Variants in MAP6 observed in about 807,000 individuals in gnomAD.
The protein encoded by MAP6 is microtubule associated protein 6.
MAP6 carries 26 observed loss-of-function variants against 42.4 expected under a neutral mutation model. The ratio of observed to expected loss-of-function variants is 0.61; its 90% CI spans 0.45 to 0.85. MAP6 has a LOEUF of 0.85. Among genes scored for constraint, MAP6 ranks in the 40% least tolerant of loss-of-function variants. MAP6 has a pLI of 0.00. For missense variants in MAP6, 966 were observed against 1,099.0 expected (o/e 0.88, Z 1.71); for synonymous variants, 418 against 443.8 (o/e 0.94, Z 0.73).
chr11:75,659,240 G>T (rs1423470927), intron 1 of MAP6, among the ~76,000 whole-genome samples: 1 of 152,208 alleles, frequency 6.6e-6, no homozygotes, highest in Non-Finnish European at 1.5e-5. Context: ...CCAGCACTTT[G>T]GGAGGCTGAA....
intron 1 of MAP6, among the ~76,000 whole-genome samples, chr11:75,652,773 AG>A (rs763745705): frequency 3.3e-5 from 5 of 149,760 alleles, no homozygotes; most frequent in Non-Finnish European, 5.9e-5. Context: ...CAGGAGGCGG[AG>A]GTTGCAGTGA....
At chr11:75,643,042 T>C (rs938182532) in intron 1 of MAP6, among the ~76,000 whole-genome samples, 1 of 152,178 alleles carries the variant, frequency 6.6e-6, no homozygotes, top group Non-Finnish European at 1.5e-5. Flanking sequence ...TTTGTGATAC[T>C]ATTATTGGCA....
In MAP6 at chr11:75,609,864, G is replaced by A. The variant is rs114484714; in HGVS notation, c.906-1542C>T. ...AATGTTTGTCCCCTCTAAAACTCAC[G>A]TTGAAACTTCATCCCCAGTGTGGCA... On this transcript the variant is annotated intron_variant, in intron 1 of 3. Coordinates refer to ENST00000304771, the MANE Select transcript of MAP6 (RefSeq NM_033063.2). Among the ~76,000 whole-genome samples, 469 of 152,222 alleles carry A rather than the reference G, an allele frequency of 3.1e-3. 2 individuals carry two copies. Among genetic ancestry groups the A allele is most frequent in the African/African-American group, 0.011 (438 of 41,532 alleles).
intron 3 of MAP6, chr11:75,603,106 G>A (rs1003435792): frequency 9.1e-6 from 9 of 985,632 alleles, no homozygotes; most frequent in Non-Finnish European, 1.1e-5. Context: ...CTGCCTCAGA[G>A]AGGCAAAGAA....
chr11:75,639,619 C>T (rs1024349630), intron 1 of MAP6, among the ~76,000 whole-genome samples: 1 of 152,138 alleles, frequency 6.6e-6, no homozygotes, highest in Non-Finnish European at 1.5e-5. Context: ...AAGCTAAACC[C>T]GACTGAAAGG....
At chr11:75,608,841 T>G (rs1027458908) in intron 1 of MAP6, among the ~76,000 whole-genome samples, 25 of 152,214 alleles carry the variant, frequency 1.6e-4, no homozygotes, top group Non-Finnish European at 3.2e-4. Context: ...TTGAGGATAA[T>G]TCCCCCATTT....
chr11:75,646,667 G>A (rs971275328), intron 1 of MAP6, among the ~76,000 whole-genome samples: 2 of 152,034 alleles, frequency 1.3e-5, no homozygotes, highest in African/African-American at 4.8e-5. Flanking sequence ...GGGTGTGGTG[G>A]CACACGCCTG....
intron 1 of MAP6, among the ~76,000 whole-genome samples, chr11:75,620,454 G>A (rs2135611970): frequency 7.0e-6 from 1 of 142,862 alleles, no homozygotes; most frequent in East Asian, 2.1e-4. Context: ...CTGTGTGACA[G>A]AGCAAGATTC....
chr11:75,665,352 C>T (rs1297490955), intron 1 of MAP6, among the ~76,000 whole-genome samples: 1 of 152,204 alleles, frequency 6.6e-6, no homozygotes, highest in Non-Finnish European at 1.5e-5. Flanking sequence ...CCTTGACTGA[C>T]AGGCCACTCA....
chr11:75,656,160 T>G (rs918808355), intron 1 of MAP6, among the ~76,000 whole-genome samples: 1 of 152,194 alleles, frequency 6.6e-6, no homozygotes, highest in African/African-American at 2.4e-5. Flanking sequence ...CTATGCACTC[T>G]AGGATATGCC....
chr11:75,665,540 G>C (rs1408280266), intron 1 of MAP6, among the ~76,000 whole-genome samples: 1 of 152,156 alleles, frequency 6.6e-6, no homozygotes, highest in Admixed American at 6.5e-5. Flanking sequence ...AATGAGAGTG[G>C]GAAGATGAAG....
At chr11:75,635,270 T>C (rs11236475) in intron 1 of MAP6, among the ~76,000 whole-genome samples, 13,959 of 152,130 alleles carry the variant, frequency 0.092, 1,069 homozygotes, top group African/African-American at 0.21. Flanking sequence ...CTTGGGCTTG[T>C]GACAGGACAG....
intron 1 of MAP6, among the ~76,000 whole-genome samples, chr11:75,620,987 C>T (rs533966137): frequency 1.2e-4 from 18 of 151,892 alleles, no homozygotes; most frequent in East Asian, 9.7e-4. Flanking sequence ...AAAAATTAGC[C>T]GGGCGTGGTG....
At chr11:75,656,920 T>TCTCCTGTG (rs1367382108) in intron 1 of MAP6, among the ~76,000 whole-genome samples, 1 of 152,150 alleles carries the variant, frequency 6.6e-6, no homozygotes, top group Non-Finnish European at 1.5e-5. Context: ...CTCAGAAGTT[T>TCTCCTGTG]CTCCTGTGCT....
At chr11:75,633,003 C>CTTTTTTTT (rs1943308381) in intron 1 of MAP6, among the ~76,000 whole-genome samples, 1 of 146,908 alleles carries the variant, frequency 6.8e-6, no homozygotes, top group East Asian at 2.0e-4. Context: ...TTCTTTTTTT[C>CTTTTTTTT]TTTTTTCTTT....
intron 3 of MAP6, among the ~76,000 whole-genome samples, chr11:75,593,727 GA>G (rs1158509680): frequency 2.0e-5 from 3 of 152,228 alleles, no homozygotes; most frequent in Admixed American, 1.3e-4. Context: ...GGGCAGTGTG[GA>G]AAAGCCTTGA....
intron 1 of MAP6, among the ~76,000 whole-genome samples, chr11:75,619,111 C>T (rs898546588): frequency 3.9e-5 from 6 of 151,946 alleles, no homozygotes; most frequent in South Asian, 2.1e-4. Flanking sequence ...GTGCATGAGG[C>T]GTGTGTGCAA....
At chr11:75,614,565 G>T (rs893752605) in intron 1 of MAP6, among the ~76,000 whole-genome samples, 1 of 152,130 alleles carries the variant, frequency 6.6e-6, no homozygotes, top group Non-Finnish European at 1.5e-5. Context: ...GGCCCATGTC[G>T]GGAGGAACTG....
intron 1 of MAP6, among the ~76,000 whole-genome samples, chr11:75,640,276 G>C (rs886374741): frequency 6.6e-6 from 1 of 151,618 alleles, no homozygotes; most frequent in Non-Finnish European, 1.5e-5. Context: ...CCTTGACAAG[G>C]AACTCATGAT....
Sources: allele counts gnomAD v4.1 joint callset (sites outside exome capture counted in the v4.1 genomes callset), GRCh38; gene constraint gnomAD v4.1.1; transcripts MANE v1.5; gene names NCBI Gene and HGNC (gene_info 2026-07-23, HGNC 2026-07-21).